Variants in ASCC3 observed in about 807,000 individuals in gnomAD.
ASCC3 encodes the protein activating signal cointegrator 1 complex subunit 3.
A neutral mutation model predicts 256.3 loss-of-function variants in ASCC3; 158 were observed. The ratio of observed to expected loss-of-function variants is 0.62; its 90% CI spans 0.54 to 0.70. The LOEUF (loss-of-function observed/expected upper bound fraction) is 0.70. ASCC3 is among the 30% of genes least tolerant of loss of function. ASCC3 has a pLI of 0.00. For synonymous variants in ASCC3, 948 were observed against 883.4 expected (o/e 1.07, Z -1.30); for missense variants, 2,259 against 2,626.0 (o/e 0.86, Z 3.05).
chr6:100,649,352 T>C (rs6913463), intron 20 of ASCC3, among the ~76,000 whole-genome samples: 2,134 of 151,714 alleles, frequency 0.014, 39 homozygotes, highest in African/African-American at 0.049. Flanking sequence ...CAATATAAAA[T>C]CATTAGAAAA....
At chr6:100,645,172 T>C (rs1775317553) in intron 22 of ASCC3, among the ~76,000 whole-genome samples, 3 of 152,140 alleles carry the variant, frequency 2.0e-5, no homozygotes, top group Admixed American at 2.0e-4. Flanking sequence ...ATTACAGATA[T>C]TGGTAGGAGA....
intron 37 of ASCC3, among the ~76,000 whole-genome samples, chr6:100,536,095 A>G (rs1775148411): frequency 6.6e-6 from 1 of 152,220 alleles, no homozygotes; most frequent in Non-Finnish European, 1.5e-5. Context: ...AAGGAAAAAA[A>G]GAACTGTAAA....
chr6:100,719,576 C>T (rs901804632), intron 11 of ASCC3, among the ~76,000 whole-genome samples: 3 of 151,910 alleles, frequency 2.0e-5, no homozygotes, highest in Non-Finnish European at 4.4e-5. Flanking sequence ...ATTTTTAAAT[C>T]TAAAAGTATA....
chr6:100,523,080 T>A (rs1377204128), intron 37 of ASCC3, among the ~76,000 whole-genome samples: 6 of 150,714 alleles, frequency 4.0e-5, no homozygotes, highest in Non-Finnish European at 7.4e-5. Flanking sequence ...TGAAGTATAA[T>A]CAGTAGTATG....
At chr6:100,766,442 A>G in intron 10 of ASCC3, 123 bp downstream of exon 10, 1 of 1,072,616 alleles carries the variant, frequency 9.3e-7, no homozygotes, top group Non-Finnish European at 1.4e-6. Flanking sequence ...GTTACAAATA[A>G]AAGTTCACTA....
intron 4 of ASCC3, among the ~76,000 whole-genome samples, chr6:100,832,315 A>C (rs1425925153): frequency 6.6e-6 from 1 of 152,134 alleles, no homozygotes; most frequent in Non-Finnish European, 1.5e-5. Flanking sequence ...AGAGAAAGAT[A>C]ATCTTCCTAG....
chr6:100,614,934 A>G (rs887463949), intron 30 of ASCC3, among the ~76,000 whole-genome samples: 1 of 152,086 alleles, frequency 6.6e-6, no homozygotes, highest in Non-Finnish European at 1.5e-5. Context: ...TTTTTCAACT[A>G]TCTTCATGAT....
chr6:100,720,519 G>C lies in ASCC3; in HGVS notation c.1903-2268C>G, dbSNP rs1779277905. Among the ~76,000 whole-genome samples, 6 of 151,938 alleles carry C rather than the reference G, an allele frequency of 3.9e-5. No homozygotes were observed. The South Asian group carries it at 1.2e-3, about 32-fold the overall frequency. ...CAACAACACATTCTGCCTCAAGTTA[G>C]ATTAGTTTCGTTTTTGAAAGAGGGT... On this transcript the variant is annotated intron_variant, in intron 11 of 41. Coordinates refer to ENST00000369162, the MANE Select transcript of ASCC3 (RefSeq NM_006828.4).
At chr6:100,603,397 T>C (rs1772726824) in intron 33 of ASCC3, among the ~76,000 whole-genome samples, 1 of 152,074 alleles carries the variant, frequency 6.6e-6, no homozygotes, top group South Asian at 2.1e-4. Flanking sequence ...CCTGTTGTGC[T>C]TTTCTAGTCC....
intron 4 of ASCC3, among the ~76,000 whole-genome samples, chr6:100,811,031 G>A (rs1770439531): frequency 6.6e-6 from 1 of 152,062 alleles, no homozygotes; most frequent in Non-Finnish European, 1.5e-5. Context: ...GCAAGAGGAG[G>A]ATTTTTGTCC....
chr6:100,752,200 T>C (rs184180580), intron 10 of ASCC3, among the ~76,000 whole-genome samples: 1 of 152,256 alleles, frequency 6.6e-6, no homozygotes, highest in Admixed American at 6.5e-5. Context: ...CCAACTCATA[T>C]TTTCCTTCTC....
At chr6:100,629,896 C>A (rs1270059655) in intron 26 of ASCC3, among the ~76,000 whole-genome samples, 2 of 151,746 alleles carry the variant, frequency 1.3e-5, no homozygotes, top group Non-Finnish European at 2.9e-5. Flanking sequence ...AAAATAATTT[C>A]TTTTCTTTCT....
At chr6:100,543,118 C>T (rs985316474) in intron 36 of ASCC3, among the ~76,000 whole-genome samples, 1 of 152,092 alleles carries the variant, frequency 6.6e-6, no homozygotes, top group African/African-American at 2.4e-5. Context: ...TACTTAAATC[C>T]AGATACTCAA....
intron 10 of ASCC3, among the ~76,000 whole-genome samples, chr6:100,762,576 T>A (rs1313835639): frequency 6.6e-6 from 1 of 152,216 alleles, no homozygotes; most frequent in Non-Finnish European, 1.5e-5. Flanking sequence ...GCTTTTTAGC[T>A]GTACACCAAA....
intron 1 of ASCC3, among the ~76,000 whole-genome samples, chr6:100,876,410 T>G (rs1309858425): frequency 6.6e-6 from 1 of 152,110 alleles, no homozygotes; most frequent in Non-Finnish European, 1.5e-5. Context: ...TGCAAACAAT[T>G]TAAGGTGGCA....
Position 100,725,560 on chromosome 6 carries a change from T to C in ASCC3, c.1881A>G (p.Ile627Met). The C allele has an allele frequency of 1.9e-6, 3 of 1,612,636 alleles. No individual in the cohort carries two copies. The highest frequency in any genetic ancestry group is 2.5e-6 in the Non-Finnish European group (3 of 1,178,988). ...HEDRGPVLES[I>M]VARTLRQVES... ...TTACCTGCCGTAAAGTACGGGCAAC[T>C]ATGCTTTCTAATACTGGTCCTCTAT... The change falls in exon 11 of 42, where the codon ATA becomes ATG. Residue 627 changes from isoleucine (I) to methionine (M), a missense_variant. Around this residue, in one of 2 missense-constraint regions of ASCC3, gnomAD observed 1,839 missense variants for 2,206.7 expected, o/e 0.83. Transcript: ENST00000369162.
Position 100,540,341 on chromosome 6 carries a change from T to G in ASCC3, c.5597A>C (p.His1866Pro). 1 of 1,613,836 alleles carries G rather than the reference T, an allele frequency of 6.2e-7. No individual in the cohort carries two copies. The highest frequency in any genetic ancestry group is 8.5e-7 in the Non-Finnish European group (1 of 1,179,956). The stretch of plus-strand genomic sequence containing the variant: ...ACATTTTGCCAGTTCACTATTCATA[T>G]GATCTTCATTGTGTCTCACTGGCAA... ...TDLPVRHNED[H>P]MNSELAKCLP... The change falls in exon 37 of 42, where the codon CAT becomes CCT. Residue 1866 changes from histidine (H) to proline (P), a missense_variant. His to Pro is a moderately conservative substitution (Grantham distance 77). Around this residue, in one of 2 missense-constraint regions of ASCC3, gnomAD observed 1,839 missense variants for 2,206.7 expected, o/e 0.83. Transcript: ENST00000369162.
intron 8 of ASCC3, among the ~76,000 whole-genome samples, 186 bp from the exon 9 acceptor site, chr6:100,767,531 A>C (rs1416527066): frequency 6.6e-6 from 1 of 152,222 alleles, no homozygotes; most frequent in East Asian, 1.9e-4. Context: ...TGTACAATTC[A>C]AGTATACTTG....
chr6:100,804,060 C>T (rs1472012968), intron 5 of ASCC3, among the ~76,000 whole-genome samples: 1 of 152,038 alleles, frequency 6.6e-6, no homozygotes, highest in Non-Finnish European at 1.5e-5. Flanking sequence ...AGTTTTGTTC[C>T]CTAGCCAACT....
Sources: gnomAD v4.1 joint callset for allele counts (sites outside exome capture counted in the v4.1 genomes callset) on GRCh38, gnomAD v4.1.1 for gene constraint, gnomAD v4.1.1 regional missense constraint, MANE v1.5 for transcripts, NCBI Gene and HGNC (gene_info 2026-07-23, HGNC 2026-07-21) for gene names.